PDE1C: variants seen among roughly 807,000 people sequenced by gnomAD.
PDE1C encodes the protein phosphodiesterase 1C, also known as dual specificity calcium/calmodulin-dependent 3',5'-cyclic nucleotide phosphodiesterase 1C.
A neutral mutation model predicts 93.1 loss-of-function variants in PDE1C; 62 were observed. The observed-to-expected ratio is 0.67, with a 90% CI of 0.54 to 0.82. PDE1C has a LOEUF of 0.82. Ranked by LOEUF, PDE1C falls within the 40% of genes least tolerant of loss-of-function variation. The probability of loss-of-function intolerance (pLI) is 0.00; values close to 1 mark genes in which losing one functional copy is unlikely to be tolerated. For synonymous variants in PDE1C, 325 were observed against 310.1 expected (o/e 1.05, Z -0.50); for missense variants, 742 against 884.6 (o/e 0.84, Z 2.04).
intron 17 of PDE1C, among the ~76,000 whole-genome samples, chr7:31,772,384 C>G (rs966578573): frequency 1.3e-5 from 2 of 152,160 alleles, no homozygotes; most frequent in Admixed American, 6.5e-5. Context: ...AGCCCTAGCT[C>G]TGATTCCCAG....
chr7:31,753,952 T>C (rs1794278096), intron 17 of PDE1C, among the ~76,000 whole-genome samples: 4 of 152,156 alleles, frequency 2.6e-5, no homozygotes. Flanking sequence ...AAAGTGGCAC[T>C]CAATCCCCAA....
intron 1 of PDE1C, among the ~76,000 whole-genome samples, chr7:32,419,119 C>G (rs1785334850): frequency 6.6e-6 from 1 of 152,080 alleles, no homozygotes; most frequent in Non-Finnish European, 1.5e-5. Flanking sequence ...TTTTAAATAT[C>G]TTTACTCAGG....
intron 1 of PDE1C, among the ~76,000 whole-genome samples, chr7:32,403,621 T>C (rs1052146093): frequency 1.3e-5 from 2 of 152,162 alleles, no homozygotes; most frequent in African/African-American, 2.4e-5. Flanking sequence ...CTCTCTAAAT[T>C]TGTAGAATTA....
chr7:31,713,955 AG>A, the PDE1C span, among the ~76,000 whole-genome samples: 1 of 152,146 alleles, frequency 6.6e-6, no homozygotes, highest in East Asian at 1.9e-4. Context: ...GGTGCTGCAA[AG>A]GTCTCTGACA....
chr7:32,185,616 TG>T (rs1803799539), intron 2 of PDE1C, among the ~76,000 whole-genome samples: 1 of 152,224 alleles, frequency 6.6e-6, no homozygotes, highest in Non-Finnish European at 1.5e-5. Context: ...TATTCAAATT[TG>T]TTTGCATAAA....
chr7:32,051,511 C>T, intron 2 of PDE1C, 43 bp downstream of exon 2: 1 of 1,603,060 alleles, frequency 6.2e-7, no homozygotes, highest in Admixed American at 1.7e-5. Flanking sequence ...AGAGCTGGGC[C>T]ACAAATGAAT....
intron 14 of PDE1C, among the ~76,000 whole-genome samples, chr7:31,818,941 C>CG (rs1302868458): frequency 5.9e-5 from 9 of 152,122 alleles, no homozygotes. Flanking sequence ...CTGAGTCAGA[C>CG]CAATTTCCCA....
the PDE1C span, among the ~76,000 whole-genome samples, chr7:31,665,213 A>C: frequency 6.6e-6 from 1 of 152,076 alleles, no homozygotes; most frequent in Admixed American, 6.6e-5. Flanking sequence ...AGATATTCAC[A>C]TTGCTGGTAT....
chr7:32,087,948 A>C (rs10234530), intron 3 of PDE1C, among the ~76,000 whole-genome samples: 8,340 of 151,886 alleles, frequency 0.055, 760 homozygotes, highest in African/African-American at 0.19. Flanking sequence ...ACATGTATAC[A>C]TATGTAACAA....
chr7:32,298,810 G>A, exon 1 of PDE1C: 2 of 1,501,858 alleles, frequency 1.3e-6, no homozygotes, highest in Non-Finnish European at 8.8e-7. Context: ...GGAGTGAGCA[G>A]CCCGGGGCTC....
the PDE1C span, among the ~76,000 whole-genome samples, chr7:31,737,644 A>G: frequency 0.014 from 2,154 of 152,022 alleles, 52 homozygotes; most frequent in African/African-American, 0.043. Context: ...TCTACTAAAA[A>G]TACAAAAATT....
intron 3 of PDE1C, among the ~76,000 whole-genome samples, chr7:32,142,807 G>A (rs1023838203): frequency 1.3e-5 from 2 of 152,202 alleles, no homozygotes; most frequent in African/African-American, 2.4e-5. Flanking sequence ...TGGTGGATGA[G>A]TAAGAAATAA....
chr7:32,112,826 G>A lies in PDE1C; in HGVS notation c.308+56959C>T, dbSNP rs868642151. Among the ~76,000 whole-genome samples the A allele has an allele frequency of 6.9e-4, 81 of 117,010 alleles. 1 individual carries two copies. Among genetic ancestry groups the A allele is most frequent in the African/African-American group, 1.6e-3 (34 of 21,364 alleles). The allele number at this position is 117,010 out of a possible 152,430, so 76.8% of individuals were successfully genotyped here. A position where few individuals can be genotyped will look rare whatever the true frequency, so the allele number is the denominator to read the frequency against. On this transcript the variant is annotated intron_variant, in intron 3 of 18. Transcript: ENST00000396193. ...TATATGTGTGTGTGTGTGTGTGTGT[G>A]TGTGTGTGTGTGTGTGTGTGTATAT...
rs1256798564 is a variant in PDE1C, at chr7:32,386,919, G to A, written c.310+40903C>T. ...TATTGATCATTCTTGGGTGTTTCTC[G>A]CAGAGGGGGATTTGGCAGGGTCATA... On this transcript the variant is annotated intron_variant, in intron 1 of 1. Transcript: ENST00000672256. Among the ~76,000 whole-genome samples, 6 of 150,268 alleles carry A rather than the reference G, an allele frequency of 4.0e-5. No individual in the cohort carries two copies. In the East Asian group the frequency reaches 7.8e-4, roughly 19 times the overall value.
At chr7:32,071,230 G>A (rs1796029321), upstream of PDE1C, 2 of 985,312 alleles carry the variant, frequency 2.0e-6, no homozygotes, top group Non-Finnish European at 2.4e-6. Flanking sequence ...GGCTCCGCGC[G>A]CAAGTAGGAG....
At chr7:32,222,054 C>T (rs537651116) in intron 1 of PDE1C, among the ~76,000 whole-genome samples, 7 of 152,236 alleles carry the variant, frequency 4.6e-5, no homozygotes, top group Non-Finnish European at 1.0e-4. Context: ...GCCACAACTT[C>T]ACTTGAGGTG....
intron 1 of PDE1C, among the ~76,000 whole-genome samples, chr7:32,321,411 G>A (rs983237214): frequency 7.2e-5 from 11 of 152,232 alleles, no homozygotes; most frequent in Admixed American, 7.2e-4. Flanking sequence ...GGTGGCTGTG[G>A]GAATATTACT....
intron 1 of PDE1C, among the ~76,000 whole-genome samples, chr7:32,226,575 G>A (rs1277610098): frequency 1.3e-5 from 2 of 152,210 alleles, no homozygotes; most frequent in Non-Finnish European, 1.5e-5. Flanking sequence ...GGCCCCTGAT[G>A]AGGGGCTTTG....
the PDE1C span, among the ~76,000 whole-genome samples, chr7:31,690,451 T>A: frequency 2.6e-5 from 4 of 152,248 alleles, no homozygotes; most frequent in East Asian, 7.7e-4. Flanking sequence ...ACCACAAAGA[T>A]GTTAGCCTTT....
Sources: allele counts gnomAD v4.1 joint callset (sites outside exome capture counted in the v4.1 genomes callset), GRCh38; gene constraint gnomAD v4.1.1; transcripts MANE v1.5; gene names NCBI Gene and HGNC (gene_info 2026-07-23, HGNC 2026-07-21).